The following SHROOM3 variants were observed in gnomAD, a reference collection of about 807,000 sequenced individuals.
SHROOM3 encodes the protein protein Shroom3.
SHROOM3 carries 47 observed loss-of-function variants against 138.6 expected under a neutral mutation model. That is an observed-to-expected ratio of 0.34 (90% CI 0.27 to 0.43). The LOEUF (loss-of-function observed/expected upper bound fraction) is 0.43. Among genes scored for constraint, SHROOM3 ranks in the 20% least tolerant of loss-of-function variants. SHROOM3 has a pLI of 1.00. For missense variants in SHROOM3, 2,491 were observed against 2,596.5 expected (o/e 0.96, Z 0.88); for synonymous variants, 1,062 against 1,063.3 (o/e 1.00, Z 0.02).
chr4:76,552,525 T>C (rs1352152286), intron 1 of SHROOM3, among the ~76,000 whole-genome samples: 1 of 150,720 alleles, frequency 6.6e-6, no homozygotes. Context: ...TCTATATATG[T>C]ATATAGATAT....
intron 3 of SHROOM3, among the ~76,000 whole-genome samples, chr4:76,711,731 A>G (rs1720234344): frequency 6.6e-6 from 1 of 152,174 alleles, no homozygotes; most frequent in South Asian, 2.1e-4. Context: ...TGGTATCTTT[A>G]GACTATCCAT....
chr4:76,652,089 G>A (rs747086066), intron 2 of SHROOM3, among the ~76,000 whole-genome samples: 25 of 152,132 alleles, frequency 1.6e-4, no homozygotes, highest in Non-Finnish European at 2.9e-4. Context: ...TGAATTAAGT[G>A]TTCAATTCAA....
At chr4:76,603,242 C>A (rs1025206223) in intron 2 of SHROOM3, among the ~76,000 whole-genome samples, 51 of 152,206 alleles carry the variant, frequency 3.4e-4, no homozygotes, top group African/African-American at 1.2e-3. Context: ...CACGGTGAAG[C>A]CCTGTCTCTC....
intron 1 of SHROOM3, among the ~76,000 whole-genome samples, chr4:76,504,438 C>T (rs1292633326): frequency 6.6e-6 from 1 of 152,170 alleles, no homozygotes; most frequent in Non-Finnish European, 1.5e-5. Context: ...GAATTACAGG[C>T]GTGCGCCAAA....
intron 1 of SHROOM3, among the ~76,000 whole-genome samples, chr4:76,524,579 C>T (rs1732651013): frequency 6.6e-6 from 1 of 152,186 alleles, no homozygotes; most frequent in South Asian, 2.1e-4. Flanking sequence ...GGGTTTCTCC[C>T]TGCTGCATCC....
Position 76,781,948 on chromosome 4 carries a change from C to T in SHROOM3, c.*2771C>T, listed in dbSNP as rs1722745127. 1 of 152,172 alleles carries T rather than the reference C, an allele frequency of 6.6e-6. No homozygotes were observed. Among genetic ancestry groups the T allele is most frequent in the South Asian group, 2.1e-4 (1 of 4,824 alleles). The allele number at this position is 152,172 out of a possible 1,614,324, so 9.4% of individuals were successfully genotyped here. A position where few individuals can be genotyped will look rare whatever the true frequency, so the allele number is the denominator to read the frequency against. On this transcript the variant is annotated 3_prime_UTR_variant, in exon 11 of 11. Transcript: ENST00000296043. ...TGTGGATGTGATAATTTTGGAGATACACTTCTGGTCAGAACTCAGGTGAGA... is the reference window on the plus strand; with the variant it reads ...TGTGGATGTGATAATTTTGGAGATATACTTCTGGTCAGAACTCAGGTGAGA...
intron 2 of SHROOM3, among the ~76,000 whole-genome samples, chr4:76,599,796 T>G (rs1734466164): frequency 6.6e-6 from 1 of 152,184 alleles, no homozygotes; most frequent in Non-Finnish European, 1.5e-5. Context: ...GCATAGGACC[T>G]GCAGGCCACA....
At chr4:76,621,466 T>C (rs932309165) in intron 2 of SHROOM3, among the ~76,000 whole-genome samples, 3 of 152,236 alleles carry the variant, frequency 2.0e-5, no homozygotes, top group Non-Finnish European at 4.4e-5. Flanking sequence ...CAAAGCAAAC[T>C]TGGGCTATTG....
chr4:76,718,658 C>T (rs1720451105), intron 3 of SHROOM3, among the ~76,000 whole-genome samples: 1 of 152,068 alleles, frequency 6.6e-6, no homozygotes, highest in South Asian at 2.1e-4. Context: ...AAAAATATAA[C>T]ACAAGGCATC....
At chr4:76,595,645 C>T (rs184204776) in intron 2 of SHROOM3, among the ~76,000 whole-genome samples, 127 of 152,216 alleles carry the variant, frequency 8.3e-4, no homozygotes, top group African/African-American at 2.6e-3. Flanking sequence ...TATATCCTTG[C>T]CTACACTAGT....
intron 1 of SHROOM3, among the ~76,000 whole-genome samples, chr4:76,461,049 A>T (rs548331577): frequency 3.9e-4 from 59 of 151,820 alleles, no homozygotes; most frequent in Middle Eastern, 6.8e-3. Flanking sequence ...AAGCAATTAG[A>T]TTGTATTAGG....
chr4:76,520,604 G>A (rs1037910542), intron 1 of SHROOM3, among the ~76,000 whole-genome samples: 6 of 152,166 alleles, frequency 3.9e-5, no homozygotes, highest in Admixed American at 1.3e-4. Context: ...TTGAGCTCAG[G>A]CAATTGGGCT....
At chr4:76,496,436 C>A (rs1217361122) in intron 1 of SHROOM3, among the ~76,000 whole-genome samples, 2 of 152,206 alleles carry the variant, frequency 1.3e-5, no homozygotes, top group East Asian at 3.9e-4. Flanking sequence ...TATGGAATTT[C>A]CCAAGGAGAC....
chr4:76,626,297 G>A (rs1273545837), intron 2 of SHROOM3, among the ~76,000 whole-genome samples: 1 of 152,144 alleles, frequency 6.6e-6, no homozygotes. Flanking sequence ...TTTGCCTCCA[G>A]TCTGCTACAT....
rs117602069 is a variant in SHROOM3 at position 76,601,223 on chromosome 4, A to G, written c.323+45460A>G. Reference sequence around the variant, plus strand: ...ATTTCCCTCCAGGGGACATTTAACAATATCTGGAGACATTTTTAGTAGTCA... The same window carrying G: ...ATTTCCCTCCAGGGGACATTTAACAGTATCTGGAGACATTTTTAGTAGTCA... On this transcript the variant is annotated intron_variant, in intron 2 of 10. Transcript: ENST00000296043. Among the ~76,000 whole-genome samples, 205 of 152,262 alleles carry G rather than the reference A, an allele frequency of 1.3e-3. 4 individuals are homozygous for G. In the East Asian group the frequency reaches 0.025, roughly 19 times the overall value.
intron 1 of SHROOM3, among the ~76,000 whole-genome samples, chr4:76,464,054 C>T (rs1731198048): frequency 6.6e-6 from 1 of 152,250 alleles, no homozygotes; most frequent in African/African-American, 2.4e-5. Context: ...AAGAAAGTCA[C>T]TGTCCTCCAT....
At chr4:76,726,829 C>T (rs1456897643) in intron 3 of SHROOM3, among the ~76,000 whole-genome samples, 1 of 152,182 alleles carries the variant, frequency 6.6e-6, no homozygotes, top group East Asian at 1.9e-4. Flanking sequence ...TCTCACACCT[C>T]ATCTCCTTGA....
At chr4:76,695,592 G>A (rs1207813498) in intron 2 of SHROOM3, among the ~76,000 whole-genome samples, 1 of 152,148 alleles carries the variant, frequency 6.6e-6, no homozygotes, top group African/African-American at 2.4e-5. Flanking sequence ...CGTTGAAAAC[G>A]CTGCTGATTT....
chr4:76,672,669 T>C (rs1718919695), intron 2 of SHROOM3, among the ~76,000 whole-genome samples: 1 of 152,062 alleles, frequency 6.6e-6, no homozygotes, highest in African/African-American at 2.4e-5. Flanking sequence ...GCCTCCTGGG[T>C]TCACACCATT....
Sources: gnomAD v4.1 joint callset for allele counts (sites outside exome capture counted in the v4.1 genomes callset) on GRCh38, gnomAD v4.1.1 for gene constraint, MANE v1.5 for transcripts, NCBI Gene and HGNC (gene_info 2026-07-23, HGNC 2026-07-21) for gene names.